The following DTWD2 variants were observed in gnomAD, a reference collection of about 807,000 sequenced individuals.
DTWD2 encodes the protein DTW motif tRNA-uridine aminocarboxypropyltransferase 2.
In DTWD2, 39 loss-of-function variants were observed where a neutral mutation model predicts 31.8. The observed-to-expected ratio is 1.22, with a 90% CI of 0.95 to 1.60. The LOEUF (loss-of-function observed/expected upper bound fraction) is 1.60, where lower values mean the gene tolerates loss of function less well. Among genes scored for constraint, DTWD2 ranks in the 40% most tolerant of loss-of-function variants. DTWD2 has a pLI of 0.00. For missense variants in DTWD2, 515 were observed against 381.5 expected, an observed-to-expected ratio of 1.35 and a Z score of -2.92; for synonymous variants, 180 against 142.8, an observed-to-expected ratio of 1.26 and a Z score of -1.86.
At chr5:118,952,922 A>G (rs552231391) in intron 1 of DTWD2, among the ~76,000 whole-genome samples, 2 of 152,236 alleles carry the variant, frequency 1.3e-5, no homozygotes, top group East Asian at 3.9e-4. Flanking sequence ...TCCTATTAAT[A>G]CTTCCATTTA....
intron 5 of DTWD2, among the ~76,000 whole-genome samples, chr5:118,846,781 G>C (rs972628273): frequency 6.6e-6 from 1 of 152,084 alleles, no homozygotes; most frequent in Non-Finnish European, 1.5e-5. Flanking sequence ...AGGTGACATG[G>C]TTAGAGGAGA....
intron 4 of DTWD2, among the ~76,000 whole-genome samples, chr5:118,869,068 AT>A (rs1752444326): frequency 6.6e-6 from 1 of 152,146 alleles, no homozygotes; most frequent in African/African-American, 2.4e-5. Flanking sequence ...GAAAGTTATT[AT>A]TTAATGCATA....
chr5:118,872,969 AAGG>A (rs1752540413), intron 4 of DTWD2, among the ~76,000 whole-genome samples: 1 of 152,162 alleles, frequency 6.6e-6, no homozygotes. Context: ...AGCTGGGCAG[AAGG>A]AGGAGAAAGA....
chr5:118,846,759 G>T (rs1361759466), intron 5 of DTWD2, among the ~76,000 whole-genome samples: 4 of 152,064 alleles, frequency 2.6e-5, no homozygotes, highest in African/African-American at 9.7e-5. Flanking sequence ...TTATGGCTAG[G>T]GACATGGGAG....
chr5:118,909,456 G>T (rs548019532), intron 4 of DTWD2, among the ~76,000 whole-genome samples: 4 of 152,234 alleles, frequency 2.6e-5, no homozygotes, highest in Non-Finnish European at 5.9e-5. Flanking sequence ...ACTAACAAGG[G>T]CCTACCAGTT....
chr5:118,852,944 TA>T (rs1663154512), intron 4 of DTWD2, among the ~76,000 whole-genome samples: 1 of 152,164 alleles, frequency 6.6e-6, no homozygotes, highest in Non-Finnish European at 1.5e-5. Context: ...GCCATTATCC[TA>T]TGTGAATTAA....
intron 4 of DTWD2, among the ~76,000 whole-genome samples, chr5:118,904,268 T>C (rs1401190630): frequency 1.3e-5 from 2 of 152,094 alleles, no homozygotes; most frequent in African/African-American, 4.8e-5. Flanking sequence ...AACACCCACA[T>C]GTTCAAAAAG....
intron 4 of DTWD2, among the ~76,000 whole-genome samples, chr5:118,918,560 G>A (rs950581844): frequency 6.6e-6 from 1 of 151,980 alleles, no homozygotes; most frequent in Non-Finnish European, 1.5e-5. Flanking sequence ...TAAACTCCCA[G>A]AAGCAATATC....
chr5:118,914,596 C>T (rs899622555), intron 4 of DTWD2, among the ~76,000 whole-genome samples: 85 of 152,288 alleles, frequency 5.6e-4, no homozygotes, highest in African/African-American at 1.9e-3. Context: ...TTTGCACCAA[C>T]CAATCCTGCT....
chr5:118,843,896 C>T (rs1751785092), intron 5 of DTWD2, among the ~76,000 whole-genome samples: 1 of 152,148 alleles, frequency 6.6e-6, no homozygotes, highest in Non-Finnish European at 1.5e-5. Flanking sequence ...TTAGGCACAG[C>T]CATATAACTT....
intron 1 of DTWD2, among the ~76,000 whole-genome samples, chr5:118,983,489 T>C (rs968751235): frequency 6.6e-6 from 1 of 151,916 alleles, no homozygotes; most frequent in Admixed American, 6.6e-5. Flanking sequence ...CACTCTTCCC[T>C]TCTCTCTCTC....
At chr5:118,844,886 C>A (rs1458108618) in intron 5 of DTWD2, among the ~76,000 whole-genome samples, 1 of 152,186 alleles carries the variant, frequency 6.6e-6, no homozygotes, top group East Asian at 1.9e-4. Context: ...GTAATTCCAA[C>A]ATTTTGGCAG....
intron 4 of DTWD2, among the ~76,000 whole-genome samples, chr5:118,873,842 C>A (rs1470994974): frequency 6.6e-6 from 1 of 152,190 alleles, no homozygotes; most frequent in African/African-American, 2.4e-5. Context: ...TCAACTGCAA[C>A]AGAGCAGAGT....
At position 118,965,364 on chromosome 5, in the gene DTWD2, G is replaced by A. The variant is rs1358217099; in HGVS notation, c.219-20715C>T. ...CGGGAGGTGAGGGGCGCCTCTGCCC[G>A]GCCGCCCCTTCTGGGAAGTGAGGAG... is the stretch of plus-strand genomic sequence containing the variant. On this transcript the variant is annotated intron_variant, in intron 1 of 5. Coordinates refer to ENST00000510708, the MANE Select transcript of DTWD2 (RefSeq NM_173666.4). Among the ~76,000 whole-genome samples, 3 of 140,652 alleles carry A rather than the reference G, an allele frequency of 2.1e-5. 1 individual carries two copies. Among genetic ancestry groups the A allele is most frequent in the East Asian group, 4.5e-4 (2 of 4,448 alleles). The allele number at this position is 140,652 out of a possible 152,430, so 92.3% of individuals were successfully genotyped here.
chr5:118,903,510 A>T (rs755791541), intron 4 of DTWD2, among the ~76,000 whole-genome samples: 4 of 152,022 alleles, frequency 2.6e-5, no homozygotes, highest in Non-Finnish European at 4.4e-5. Context: ...CACACAGTGA[A>T]AATTAAATTA....
intron 1 of DTWD2, 67 bp from the exon 2 acceptor site, chr5:118,944,716 A>G: frequency 6.8e-7 from 1 of 1,466,660 alleles, no homozygotes; most frequent in Non-Finnish European, 9.4e-7. Flanking sequence ...AATTTTTTAA[A>G]TGACCTTAAT....
At chr5:118,905,958 T>C (rs1398060870) in intron 4 of DTWD2, among the ~76,000 whole-genome samples, 3 of 152,224 alleles carry the variant, frequency 2.0e-5, no homozygotes, top group African/African-American at 7.2e-5. Context: ...CATTTGCAAG[T>C]CATATACTGA....
intron 3 of DTWD2, among the ~76,000 whole-genome samples, chr5:118,937,608 A>G (rs1279260445): frequency 6.6e-6 from 1 of 152,068 alleles, no homozygotes; most frequent in Non-Finnish European, 1.5e-5. Context: ...CCACAATAAA[A>G]CCTAAAGGTC....
intron 4 of DTWD2, among the ~76,000 whole-genome samples, chr5:118,926,704 A>G (rs1007385994): frequency 1.3e-5 from 2 of 152,102 alleles, no homozygotes; most frequent in African/African-American, 4.8e-5. Context: ...TTCAAAAAAG[A>G]AAGTGATTTT....
Sources: allele counts gnomAD v4.1 joint callset (sites outside exome capture counted in the v4.1 genomes callset), GRCh38; gene constraint gnomAD v4.1.1; transcripts MANE v1.5; gene names NCBI Gene and HGNC (gene_info 2026-07-23, HGNC 2026-07-21).